Variants in POPDC2 observed in about 807,000 individuals in gnomAD.
POPDC2 encodes popeye domain cAMP effector 2.
Under a neutral mutation model 30.5 loss-of-function variants are expected in POPDC2, and 24 were observed. The observed-to-expected ratio is 0.79, with a 90% CI of 0.57 to 1.11. The LOEUF (loss-of-function observed/expected upper bound fraction) is 1.11, where lower values mean the gene tolerates loss of function less well. POPDC2 is among the 50% of genes least tolerant of loss of function. POPDC2 has a pLI of 0.00. For synonymous variants in POPDC2, 185 were observed against 183.3 expected, an observed-to-expected ratio of 1.01 and a Z score of -0.07; for missense variants, 409 against 447.0, an observed-to-expected ratio of 0.91 and a Z score of 0.77.
chr3:119,660,670 T>TCCCCCCCACACCG (rs1560100600), upstream of POPDC2: 1 of 243,136 alleles, frequency 4.1e-6, no homozygotes, highest in Non-Finnish European at 7.1e-6. Context: ...CCCTCTCTCC[T>TCCCCCCCACACCG]CCCCACCACC....
chr3:119,654,913 C>T (rs2052862589), intron 1 of POPDC2, among the ~76,000 whole-genome samples: 1 of 152,212 alleles, frequency 6.6e-6, no homozygotes, highest in Non-Finnish European at 1.5e-5. Context: ...AGCACCTAGG[C>T]TTGGGCCTTA....
chr3:119,658,664 C>T (rs11914676), intron 1 of POPDC2, among the ~76,000 whole-genome samples: 31,622 of 152,154 alleles, frequency 0.21, 3,617 homozygotes, highest in Admixed American at 0.29. Context: ...TACAAATAAT[C>T]GCATTGGTTT....
chr3:119,655,318 T>C (rs1317227032), intron 1 of POPDC2, among the ~76,000 whole-genome samples: 2 of 152,094 alleles, frequency 1.3e-5, no homozygotes. Flanking sequence ...AAGAGCAAGA[T>C]TCTGTCTCAA....
At chr3:119,660,623 CCTCTTTCT>C (rs2052932519), upstream of POPDC2, 4 of 537,680 alleles carry the variant, frequency 7.4e-6, no homozygotes, top group Non-Finnish European at 1.3e-5. Flanking sequence ...AATTTAAAAA[CCTCTTTCT>C]CTCTCTCTCT....
chr3:119,645,910 T>G (rs1430757712), intron 3 of POPDC2, among the ~76,000 whole-genome samples: 1 of 152,164 alleles, frequency 6.6e-6, no homozygotes, highest in Non-Finnish European at 1.5e-5. Flanking sequence ...CACGCTCAAA[T>G]GAAGAAAGTA....
chr3:119,651,624 C>G (rs540237685), intron 2 of POPDC2, among the ~76,000 whole-genome samples: 27 of 152,170 alleles, frequency 1.8e-4, no homozygotes, highest in African/African-American at 6.3e-4. Context: ...AACCTAATGT[C>G]ACTTTCTTCC....
rs202169771 is a variant in POPDC2, at chr3:119,648,422, C to T, written c.847G>A (p.Glu283Lys). The T allele has an allele frequency of 1.6e-5, 26 of 1,614,154 alleles. No individual in the cohort carries two copies. The highest frequency in any genetic ancestry group is 7.7e-5 in the South Asian group (7 of 91,084). ...TCACAGACTTCCTCATCACCCTTCT[C>T]GGACTCTGGTCCAGCATCTGCAGCA... The part of the protein sequence containing the change: ...PTAADAGPES[E>K]KGDEEVCEPA... The change falls in exon 3 of 4, where the codon GAG becomes AAG. Residue 283 changes from glutamate (E) to lysine (K), a missense_variant. Transcript: ENST00000493094.
intron 3 of POPDC2, 56 bp from the exon 4 acceptor site, chr3:119,642,617 A>T (rs2052702561): frequency 8.2e-7 from 1 of 1,214,634 alleles, no homozygotes; most frequent in Non-Finnish European, 1.2e-6. Flanking sequence ...CAGTTTGTCT[A>T]ACTTCAAAGG....
At chr3:119,649,704 T>C (rs542257091) in intron 2 of POPDC2, among the ~76,000 whole-genome samples, 91 of 152,246 alleles carry the variant, frequency 6.0e-4, no homozygotes, top group Non-Finnish European at 6.3e-4. Context: ...AAGCACTTTA[T>C]ATGAATTGTC....
intron 1 of POPDC2, among the ~76,000 whole-genome samples, chr3:119,659,456 G>A (rs924418871): frequency 5.3e-5 from 8 of 152,178 alleles, no homozygotes; most frequent in Non-Finnish European, 7.3e-5. Flanking sequence ...GAACCACCCC[G>A]CTATCCCGAC....
At chr3:119,645,540 G>A (rs753923610) in intron 3 of POPDC2, among the ~76,000 whole-genome samples, 19 of 142,750 alleles carry the variant, frequency 1.3e-4, no homozygotes, top group Admixed American at 2.9e-4. Flanking sequence ...TGCAGCCTGG[G>A]TGACAAAGCG....
chr3:119,654,846 T>C, intron 1 of POPDC2: 1 of 489,198 alleles, frequency 2.0e-6, no homozygotes, highest in African/African-American at 2.0e-5. Context: ...TTCTCCTTAC[T>C]GGTGGTTCTC....
Position 119,654,520 on chromosome 3 carries a change from C to T in POPDC2, c.585G>A (p.Glu195=). ...SPEWESLQPS[E]EGVFQVTLTA... is the part of the protein sequence containing the mutation. ...TCCCTGTTACCTGGAACACCCCCTC[C>T]TCAGAAGGCTGTAGTGATTCCCACT... The change falls in exon 2 of 4, where the codon GAG becomes GAA. Residue 195 remains glutamate (E), a synonymous_variant. Transcript: ENST00000493094. The T allele has an allele frequency of 6.2e-7, 1 of 1,613,012 alleles. No individual in the cohort carries two copies. Among genetic ancestry groups the T allele is most frequent in the South Asian group, 1.1e-5 (1 of 91,032 alleles).
intron 1 of POPDC2, 82 bp downstream of exon 1, chr3:119,659,851 C>T: frequency 1.4e-6 from 2 of 1,454,544 alleles, no homozygotes; most frequent in Non-Finnish European, 1.8e-6. Context: ...TGGAAAGGGA[C>T]ATGAAATGGA....
At chr3:119,644,200 G>A (rs982173559) in intron 3 of POPDC2, among the ~76,000 whole-genome samples, 11 of 152,138 alleles carry the variant, frequency 7.2e-5, no homozygotes, top group Non-Finnish European at 1.5e-4. Flanking sequence ...AAATAATAGG[G>A]AGAAAAGAAA....
At chr3:119,658,136 T>A (rs1366917864) in intron 1 of POPDC2, among the ~76,000 whole-genome samples, 1 of 152,134 alleles carries the variant, frequency 6.6e-6, no homozygotes, top group African/African-American at 2.4e-5. Context: ...AGATGTTTGG[T>A]CCCTTACTGT....
At chr3:119,657,775 T>A (rs1560099465) in intron 1 of POPDC2, among the ~76,000 whole-genome samples, 2 of 152,216 alleles carry the variant, frequency 1.3e-5, no homozygotes, top group African/African-American at 2.4e-5. Context: ...GTGCCCTTTA[T>A]CATCTGTTTC....
At chr3:119,644,801 T>C (rs984161754) in intron 3 of POPDC2, among the ~76,000 whole-genome samples, 1 of 151,834 alleles carries the variant, frequency 6.6e-6, no homozygotes, top group Non-Finnish European at 1.5e-5. Flanking sequence ...AATGGTGCCC[T>C]ACTTTATGAA....
In POPDC2 at chr3:119,647,579, T is replaced by C. The variant is rs142606778; in HGVS notation, c.*43+540A>G. On this transcript the variant is annotated intron_variant, in intron 3 of 3. Coordinates refer to ENST00000493094, the MANE Select transcript of POPDC2 (RefSeq NM_001369919.2). ...TCTGTCTGTGTGATCAACAAACACATTCTCCACTGGGTGAGAGGAAAGCAA... is the reference window on the plus strand; with the variant it reads ...TCTGTCTGTGTGATCAACAAACACACTCTCCACTGGGTGAGAGGAAAGCAA... 2.0e-3 allele frequency among the ~76,000 whole-genome samples: 311 copies of C among 152,340 alleles called. 3 individuals carry two copies. Among genetic ancestry groups the C allele is most frequent in the African/African-American group, 7.2e-3 (298 of 41,572 alleles).
Sources: gnomAD v4.1 joint callset for allele counts (sites outside exome capture counted in the v4.1 genomes callset) on GRCh38, gnomAD v4.1.1 for gene constraint, MANE v1.5 for transcripts, NCBI Gene and HGNC (gene_info 2026-07-23, HGNC 2026-07-21) for gene names.